The following CYFIP1 variants were observed in gnomAD, a reference collection of about 807,000 sequenced individuals.
The protein encoded by CYFIP1 is cytoplasmic FMR1-interacting protein 1.
Under a neutral mutation model 163.5 loss-of-function variants are expected in CYFIP1, and 58 were observed. That is an observed-to-expected ratio of 0.35 (90% CI 0.29 to 0.44). The LOEUF (loss-of-function observed/expected upper bound fraction) is 0.44. Among genes scored for constraint, CYFIP1 ranks in the 20% least tolerant of loss-of-function variants. The pLI is 1.00. For missense variants in CYFIP1, 1,338 were observed against 1,653.8 expected (o/e 0.81, Z 3.31); for synonymous variants, 663 against 660.7 (o/e 1.00, Z -0.05).
intron 29 of CYFIP1, 74 bp downstream of exon 29, chr15:22,873,391 TCCTGAGCATGGCTGGCTGCTTGTTAG>T: frequency 1.0e-6 from 1 of 1,001,274 alleles, no homozygotes; most frequent in Admixed American, 2.2e-5. Context: ...CTGGTCCACT[TCCTGAGCATGGCTGGCTGCTTGTTAG>T]CCTAACACGC....
intron 23 of CYFIP1, 26 bp downstream of exon 23, chr15:22,892,864 C>T (rs369877069): frequency 2.9e-5 from 45 of 1,561,060 alleles, no homozygotes; most frequent in African/African-American, 2.2e-4. Context: ...GCTTCAAGCT[C>T]GTAACACGAA....
At chr15:22,916,818 C>A in intron 15 of CYFIP1, 188 bp from the exon 16 acceptor site, 2 of 1,561,150 alleles carry the variant, frequency 1.3e-6, no homozygotes, top group South Asian at 2.3e-5. Context: ...GGGGAAAGAA[C>A]AACTTGTAGC....
intron 1 of CYFIP1, among the ~76,000 whole-genome samples, chr15:22,975,362 C>G (rs1342479277): frequency 7.1e-6 from 1 of 141,466 alleles, no homozygotes; most frequent in Non-Finnish European, 1.5e-5. Flanking sequence ...CTCAGCTACT[C>G]AGGAGGCCGA....
At chr15:22,882,770 C>G in intron 24 of CYFIP1, 98 bp downstream of exon 24, 2 of 1,390,496 alleles carry the variant, frequency 1.4e-6, no homozygotes, top group South Asian at 2.7e-5. Context: ...ACGAATCCAG[C>G]TGTTGGAGAA....
intron 1 of CYFIP1, among the ~76,000 whole-genome samples, chr15:22,969,870 A>G (rs2063032077): frequency 6.6e-6 from 1 of 152,232 alleles, no homozygotes; most frequent in African/African-American, 2.4e-5. Context: ...CTAACATTAG[A>G]CAAGTATTAG....
At position 22,882,919 on chromosome 15, in the gene CYFIP1, G is replaced by A. The variant is rs1303778696; in HGVS notation, c.2769C>T (p.Tyr923=). The change falls in exon 24 of 31, where the codon TAC becomes TAT. Residue 923 remains tyrosine (Y), a synonymous_variant. Transcript: ENST00000617928. The stretch of plus-strand genomic sequence containing the variant: ...CCTCCATGACCACGGCGATACCCTG[G>A]TAGCCGAGAAGCCGGCAGATGACTT... ...HFQVICRLLG[Y]QGIAVVMEEL... is the part of the protein sequence containing the mutation. 6.2e-7 allele frequency: 1 copy of A among 1,614,100 alleles called. No homozygotes were observed. Among genetic ancestry groups the A allele is most frequent in the South Asian group, 1.1e-5 (1 of 91,080 alleles).
chr15:22,911,847 AG>A (rs1162352792), intron 18 of CYFIP1, among the ~76,000 whole-genome samples: 2 of 152,248 alleles, frequency 1.3e-5, no homozygotes, highest in African/African-American at 4.8e-5. Flanking sequence ...AAAACATGCC[AG>A]GGAGTGCAGC....
chr15:22,887,976 G>A (rs937714668), intron 23 of CYFIP1, among the ~76,000 whole-genome samples: 11 of 152,112 alleles, frequency 7.2e-5, no homozygotes, highest in African/African-American at 2.4e-4. Context: ...TAACTTTCAC[G>A]ACACTCTGAG....
At position 22,867,513 on chromosome 15, in the gene CYFIP1, C is replaced by CTGTT. The variant is rs2059189605; in HGVS notation, c.*2511_*2514dup. 3.7e-6 allele frequency: 1 copy of CTGTT among 268,820 alleles called. No homozygotes were observed. The highest frequency in any genetic ancestry group is 6.9e-6 in the Non-Finnish European group (1 of 145,356). 16.7% of individuals were successfully genotyped at this position (268,820 alleles called of 1,614,324 possible). On this transcript the variant is annotated 3_prime_UTR_variant, in exon 31 of 31. Coordinates refer to ENST00000617928, the MANE Select transcript of CYFIP1 (RefSeq NM_014608.6). ...TCATCAAGCCAGCACATCCTGCCTG[C>CTGTT]TGTTGCAGCCTGGCTGGGTTTATTC...
At chr15:22,880,578 G>A (rs1211828852) in intron 25 of CYFIP1, among the ~76,000 whole-genome samples, 1 of 152,142 alleles carries the variant, frequency 6.6e-6, no homozygotes, top group Non-Finnish European at 1.5e-5. Context: ...TGCAAATATG[G>A]GACAGAAGGC....
At chr15:22,939,052 C>A (rs1031566624) in intron 8 of CYFIP1, 140 bp downstream of exon 8, 3 of 1,010,344 alleles carry the variant, frequency 3.0e-6, no homozygotes, top group Non-Finnish European at 4.4e-6. Flanking sequence ...AGGCTGTGTG[C>A]AAGGGCAGGA....
rs2061018151 is a variant in CYFIP1 at position 22,917,271 on chromosome 15, G to A, written c.1674+517C>T. 3.6e-6 allele frequency: 5 copies of A among 1,384,944 alleles called. No individual in the cohort carries two copies. Among genetic ancestry groups the A allele is most frequent in the Non-Finnish European group, 4.6e-6 (5 of 1,076,124 alleles). The allele number at this position is 1,384,944 out of a possible 1,614,324, so 85.8% of individuals were successfully genotyped here. A position where few individuals can be genotyped will look rare whatever the true frequency, so the allele number is the denominator to read the frequency against. ...CCGGCAGAGATGAGGGAGAAGACCA[G>A]CCCCAGGACGGAGGACAGACGCAGC... On this transcript the variant is annotated intron_variant, in intron 15 of 30. Transcript: ENST00000617928. This position sits in a 1 kb window ranked among gnomAD's most constrained non-coding sequence, Gnocchi z 4.2.
intron 6 of CYFIP1, among the ~76,000 whole-genome samples, chr15:22,939,955 A>G (rs972127399): frequency 2.6e-5 from 4 of 152,116 alleles, no homozygotes; most frequent in African/African-American, 9.7e-5. Context: ...CCTCTGGACC[A>G]CACCTCCCCA....
chr15:22,915,005 A>C, intron 16 of CYFIP1, 123 bp from the exon 17 acceptor site: 1 of 1,063,690 alleles, frequency 9.4e-7, no homozygotes, highest in South Asian at 1.8e-5. Context: ...GCCATGCAGC[A>C]TGGACATGAG....
In CYFIP1 at chr15:22,910,900, CAACT is replaced by C. The variant is rs1162141113; in HGVS notation, c.2083-91_2083-88del. ...TGAAAAACAAAATGTTTCGTTAAGG[CAACT>C]AACTGAGGCTCTTTTATTTTTTTGA... On this transcript the variant is annotated intron_variant, in intron 18 of 30. Transcript: ENST00000617928. 7.9e-6 allele frequency: 9 copies of C among 1,139,010 alleles called. No homozygotes were observed. In the Admixed American group the frequency reaches 9.4e-5, roughly 12 times the overall value. 70.6% of individuals were successfully genotyped at this position (1,139,010 alleles called of 1,614,324 possible). A position where few individuals can be genotyped will look rare whatever the true frequency, so the allele number is the denominator to read the frequency against.
intron 1 of CYFIP1, among the ~76,000 whole-genome samples, chr15:22,964,865 T>G (rs1414618964): frequency 6.6e-6 from 1 of 152,182 alleles, no homozygotes; most frequent in East Asian, 1.9e-4. Flanking sequence ...CGACCCTCAT[T>G]CTACTCTCTG....
chr15:22,961,799 G>A (rs1396594123), intron 1 of CYFIP1, among the ~76,000 whole-genome samples: 3 of 152,132 alleles, frequency 2.0e-5, no homozygotes, highest in Non-Finnish European at 4.4e-5. Flanking sequence ...TACTAACAAC[G>A]TTAAAGATAT....
chr15:22,915,140 T>G (rs2060927865), intron 16 of CYFIP1: 2 of 365,050 alleles, frequency 5.5e-6, no homozygotes, highest in Admixed American at 8.9e-5. Context: ...CTTTTTTTTT[T>G]TTTTGAGACA....
chr15:22,937,177 C>T lies in CYFIP1; in HGVS notation c.827G>A (p.Gly276Glu). 6.2e-7 allele frequency: 1 copy of T among 1,613,304 alleles called. No homozygotes were observed. The highest frequency in any genetic ancestry group is 8.5e-7 in the Non-Finnish European group (1 of 1,179,226). ...VMGFGLYLMD[G>E]SVSNIYKLDA... The stretch of plus-strand genomic sequence containing the variant: ...CAACTTATAGATGTTACTGACACTC[C>T]CATCCATCAGGTACAGACCAAATCC... The change falls in exon 9 of 31, where the codon GGG (glycine) becomes GAG (glutamate). Residue 276 changes from glycine to glutamate, a missense_variant. This residue lies in a region of CYFIP1 where 824 missense variants were observed against 995.7 expected (regional missense o/e 0.83). Coordinates refer to ENST00000617928, the MANE Select transcript of CYFIP1 (RefSeq NM_014608.6).
Sources: gnomAD v4.1 joint callset for allele counts (sites outside exome capture counted in the v4.1 genomes callset) on GRCh38, gnomAD v4.1.1 for gene constraint, gnomAD v4.1.1 regional missense constraint, Gnocchi (gnomAD v3.1) non-coding constraint, MANE v1.5 for transcripts, NCBI Gene and HGNC (gene_info 2026-07-23, HGNC 2026-07-21) for gene names.